DNAJC11: variants seen among roughly 807,000 people sequenced by gnomAD.
The protein encoded by DNAJC11 is DnaJ heat shock protein family (Hsp40) member C11, also known as dnaJ homolog subfamily C member 11.
In DNAJC11, 15 loss-of-function variants were observed where a neutral mutation model predicts 78.6. That is an observed-to-expected ratio of 0.19 (90% confidence interval 0.13 to 0.29). The LOEUF (loss-of-function observed/expected upper bound fraction) is 0.29. Ranked by LOEUF, DNAJC11 falls within the 10% of genes least tolerant of loss-of-function variation. The pLI is 1.00. For synonymous variants in DNAJC11, 292 were observed against 272.1 expected (o/e 1.07, Z -0.72); for missense variants, 547 against 709.6 (o/e 0.77, Z 2.60).
Position 6,634,310 on chromosome 1 carries a change from A to G in DNAJC11, c.*1365T>C. ...CCCAGGCTCATGCAACACGACGCTC[A>G]CCGCGGCTCGGGCCGTGGGGCCGTC... On this transcript the variant is annotated 3_prime_UTR_variant, in exon 16 of 16. Coordinates refer to ENST00000377577, the MANE Select transcript of DNAJC11 (RefSeq NM_018198.4). 5.2e-6 allele frequency: 5 copies of G among 961,690 alleles called. No individual in the cohort carries two copies. The South Asian group carries it at 7.0e-5, about 13-fold the overall frequency. 59.6% of individuals were successfully genotyped at this position (961,690 alleles called of 1,614,324 possible). A position where few individuals can be genotyped will look rare whatever the true frequency, so the allele number is the denominator to read the frequency against.
intron 1 of DNAJC11, among the ~76,000 whole-genome samples, chr1:6,689,856 A>T (rs156988): frequency 0.5 from 75,867 of 151,948 alleles, 19,381 homozygotes; most frequent in Admixed American, 0.6. Flanking sequence ...TGCAACTGGC[A>T]AAGTGAAAAG....
chr1:6,660,509 GATT>G (rs34958829), intron 4 of DNAJC11, among the ~76,000 whole-genome samples: 54,871 of 151,608 alleles, frequency 0.36, 10,238 homozygotes, highest in African/African-American at 0.42. Flanking sequence ...CCCTCAACTA[GATT>G]ATTCAGCTTC....
intron 3 of DNAJC11, among the ~76,000 whole-genome samples, chr1:6,676,282 C>T (rs1289695293): frequency 6.6e-6 from 1 of 152,172 alleles, no homozygotes; most frequent in East Asian, 1.9e-4. Context: ...CCACTGTTAC[C>T]AGATCTTCAG....
intron 3 of DNAJC11, among the ~76,000 whole-genome samples, chr1:6,677,386 G>A (rs1294059430): frequency 6.6e-6 from 1 of 152,020 alleles, no homozygotes; most frequent in Non-Finnish European, 1.5e-5. Flanking sequence ...TCAACCTCCT[G>A]TGCTCAAGTG....
chr1:6,662,857 T>A (rs1427894392), intron 4 of DNAJC11, among the ~76,000 whole-genome samples: 1 of 152,072 alleles, frequency 6.6e-6, no homozygotes, highest in East Asian at 1.9e-4. Flanking sequence ...TCGGGTCCCC[T>A]TCCACACTGT....
In DNAJC11 at chr1:6,652,965, T is replaced by C. The variant is rs745758912; in HGVS notation, c.508-14A>G. 6.2e-6 allele frequency: 10 copies of C among 1,613,914 alleles called. No homozygotes were observed. The highest frequency in any genetic ancestry group is 8.5e-6 in the Non-Finnish European group (10 of 1,179,926). On this transcript the variant is annotated splice_polypyrimidine_tract_variant and intron_variant, in intron 5 of 15. Transcript: ENST00000377577. ...TGTCAAGGGTGCCTAAAAATGGTATTTGCTGGTAATGAATGAATCAAAACA... is the reference window on the plus strand; with the variant it reads ...TGTCAAGGGTGCCTAAAAATGGTATCTGCTGGTAATGAATGAATCAAAACA...
At chr1:6,669,193 A>G (rs1265952405) in intron 3 of DNAJC11, among the ~76,000 whole-genome samples, 5 of 151,204 alleles carry the variant, frequency 3.3e-5, no homozygotes. Context: ...TCTTAAAAAA[A>G]AAAAGAAAAA....
chr1:6,653,790 C>T lies in DNAJC11; in HGVS notation c.507+121G>A. ...GCTTTCTTTTTTAAGTGGCTAATTG[C>T]ATCCTTTCATAAATAAAGATGAGAA... On this transcript the variant is annotated intron_variant, in intron 5 of 15. Transcript: ENST00000377577. This position sits in a 1 kb window ranked among gnomAD's most constrained non-coding sequence, Gnocchi z 4.5. 2 of 1,319,266 alleles carry T rather than the reference C, an allele frequency of 1.5e-6. No individual in the cohort carries two copies. Among genetic ancestry groups the T allele is most frequent in the East Asian group, 2.5e-5 (1 of 39,312 alleles). The allele number at this position is 1,319,266 out of a possible 1,614,324, so 81.7% of individuals were successfully genotyped here. A position where few individuals can be genotyped will look rare whatever the true frequency, so the allele number is the denominator to read the frequency against.
chr1:6,698,340 TAA>T (rs1642872181), intron 1 of DNAJC11, among the ~76,000 whole-genome samples: 1 of 152,280 alleles, frequency 6.6e-6, no homozygotes, highest in African/African-American at 2.4e-5. Flanking sequence ...CATTAAGATT[TAA>T]GATTACTCTG....
chr1:6,634,209 A>T lies in DNAJC11; in HGVS notation c.*1466T>A. ...GTTTATTGTGGTGAGTGCCTTCTGT[A>T]CAGTCGACTGCAAATGAAACGCAGA... On this transcript the variant is annotated 3_prime_UTR_variant, in exon 16 of 16. Transcript: ENST00000377577. 1 of 990,886 alleles carries T rather than the reference A, an allele frequency of 1.0e-6. No individual in the cohort carries two copies. The highest frequency in any genetic ancestry group is 1.5e-5 in the South Asian group (1 of 66,050). The allele number at this position is 990,886 out of a possible 1,614,324, so 61.4% of individuals were successfully genotyped here.
intron 4 of DNAJC11, among the ~76,000 whole-genome samples, chr1:6,661,958 GTCTC>G (rs1294030482): frequency 6.6e-6 from 1 of 152,134 alleles, no homozygotes; most frequent in Non-Finnish European, 1.5e-5. Context: ...TTCAGATGGG[GTCTC>G]TCTCTGTCAC....
rs189076021 is a variant in DNAJC11, at chr1:6,643,477, G to A, written c.1097+1081C>T. 3.7e-4 allele frequency among the ~76,000 whole-genome samples: 56 copies of A among 151,796 alleles called. 1 individual carries two copies. Among genetic ancestry groups the A allele is most frequent in the South Asian group, 3.1e-3 (15 of 4,800 alleles). ...TTTTTAGTAGAGACGGGGTTTCACC[G>A]TGTTAGCCAGGATGGTCTCAATCTC... On this transcript the variant is annotated intron_variant, in intron 10 of 15. Transcript: ENST00000377577.
intron 1 of DNAJC11, among the ~76,000 whole-genome samples, chr1:6,683,028 G>A (rs112979270): frequency 6.6e-4 from 101 of 152,300 alleles, no homozygotes; most frequent in African/African-American, 2.3e-3. Flanking sequence ...TAAAGTAGGA[G>A]CTCCTTGAAG....
intron 15 of DNAJC11, 65 bp downstream of exon 15, chr1:6,636,052 A>G: frequency 1.3e-6 from 2 of 1,549,772 alleles, no homozygotes; most frequent in Non-Finnish European, 1.7e-6. Context: ...CAGCCCACAC[A>G]CTGAGCAGCC....
chr1:6,635,742 A>G (rs6577583), intron 15 of DNAJC11, 42 bp from the exon 16 acceptor site: 1,101,029 of 1,612,070 alleles, frequency 0.68, 378,580 homozygotes, highest in Middle Eastern at 0.8. Context: ...GAAGGTGGCC[A>G]TTCCCATGCA....
intron 3 of DNAJC11, among the ~76,000 whole-genome samples, chr1:6,678,149 G>A (rs953446632): frequency 4.6e-5 from 7 of 152,150 alleles, no homozygotes; most frequent in African/African-American, 9.7e-5. Context: ...TCCCTCTTCC[G>A]TTTTACTTGA....
intron 7 of DNAJC11, among the ~76,000 whole-genome samples, chr1:6,647,889 T>C (rs888992545): frequency 3.9e-5 from 6 of 152,160 alleles, no homozygotes; most frequent in Non-Finnish European, 5.9e-5. Context: ...TATAAATCAG[T>C]TGTCCTTCCG....
intron 7 of DNAJC11, chr1:6,651,065 T>C (rs1365885791): frequency 1.9e-6 from 1 of 533,936 alleles, no homozygotes; most frequent in East Asian, 5.4e-5. Flanking sequence ...GACAGGGATA[T>C]ACAGTTCTAG....
chr1:6,643,377 A>G (rs113127202), intron 10 of DNAJC11, among the ~76,000 whole-genome samples: 104 of 149,482 alleles, frequency 7.0e-4, no homozygotes, highest in African/African-American at 2.4e-3. Flanking sequence ...CCGGGTTCAC[A>G]CCATTCTCCT....
Sources: gnomAD v4.1 joint callset for allele counts (sites outside exome capture counted in the v4.1 genomes callset) on GRCh38, gnomAD v4.1.1 for gene constraint, Gnocchi (gnomAD v3.1) non-coding constraint, MANE v1.5 for transcripts, NCBI Gene and HGNC (gene_info 2026-07-23, HGNC 2026-07-21) for gene names.